Variants in NOS3 observed in about 807,000 individuals in gnomAD.
NOS3 encodes the protein nitric oxide synthase 3.
Under a neutral mutation model 144.9 loss-of-function variants are expected in NOS3, and 98 were observed. That is an observed-to-expected ratio of 0.68 (90% confidence interval 0.57 to 0.80). The LOEUF (loss-of-function observed/expected upper bound fraction) is 0.80. Ranked by LOEUF, NOS3 falls within the 30% of genes least tolerant of loss-of-function variation. The pLI is 0.00. For missense variants in NOS3, 1,465 were observed against 1,656.4 expected, an observed-to-expected ratio of 0.88 and a Z score of 2.01; for synonymous variants, 714 against 702.4, an observed-to-expected ratio of 1.02 and a Z score of -0.26.
In NOS3 at chr7:151,001,881, A is replaced by C; in HGVS notation, c.1563A>C (p.Thr521=). Residue 521 remains threonine (T), a synonymous_variant, in exon 13 of 27, where the codon ACA becomes ACC. Transcript: ENST00000297494. Reference sequence around the variant, plus strand: ...TGATGGCGAAGCGAGTGAAGGCGACAATCCTGTATGGCTCCGAGACCGGCC... The same window carrying C: ...TGATGGCGAAGCGAGTGAAGGCGACCATCCTGTATGGCTCCGAGACCGGCC... ...GTVMAKRVKA[T]ILYGSETGRA... is the part of the protein sequence containing the mutation. 1.2e-6 allele frequency: 2 copies of C among 1,613,714 alleles called. No individual in the cohort carries two copies. Among genetic ancestry groups the C allele is most frequent in the Admixed American group, 3.3e-5 (2 of 60,034 alleles).
In NOS3 at chr7:151,001,538, C is replaced by T; in HGVS notation, c.1429-6C>T. 6.2e-7 allele frequency: 1 copy of T among 1,613,926 alleles called. No individual in the cohort carries two copies. The highest frequency in any genetic ancestry group is 8.5e-7 in the Non-Finnish European group (1 of 1,179,888). ...CTCCCCTCCCAACCCCATCATCTCTCTGCAGCCAGACCCCTGGAAGGGGAG... is the reference window on the plus strand; with the variant it reads ...CTCCCCTCCCAACCCCATCATCTCTTTGCAGCCAGACCCCTGGAAGGGGAG... On this transcript the variant is annotated splice_polypyrimidine_tract_variant and splice_region_variant and intron_variant, in intron 11 of 26. Transcript: ENST00000297494.
At chr7:150,994,569 G>A (rs949709790) in intron 2 of NOS3, among the ~76,000 whole-genome samples, 1 of 152,154 alleles carries the variant, frequency 6.6e-6, no homozygotes, top group Non-Finnish European at 1.5e-5. Flanking sequence ...AGTCCTCCCG[G>A]GGGTAGAGGT....
intron 24 of NOS3, 177 bp from the exon 25 acceptor site, chr7:151,013,054 G>T: frequency 1.5e-6 from 1 of 667,682 alleles, no homozygotes; most frequent in Non-Finnish European, 2.5e-6. Flanking sequence ...GTAAATCAGG[G>T]CTGTGCAGGG....
At chr7:151,006,300 A>G in intron 14 of NOS3, 127 bp from the exon 15 acceptor site, 1 of 792,846 alleles carries the variant, frequency 1.3e-6, no homozygotes, top group East Asian at 2.5e-5. Context: ...CGCTTTTGAA[A>G]TTTTCAAAAC....
Position 151,003,454 on chromosome 7 carries a change from G to A in NOS3, c.1752+1150G>A, listed in dbSNP as rs754793255. ...AGTATCTTAAGCAAGTTGGAATCTC[G>A]TGAAACCCTTTTTGCTGCCTTAGTG... On this transcript the variant is annotated intron_variant, in intron 14 of 26. Coordinates refer to ENST00000297494, the MANE Select transcript of NOS3 (RefSeq NM_000603.5). This position sits in a 1 kb window ranked among gnomAD's most constrained non-coding sequence, Gnocchi z 4.1. 14 of 1,217,392 alleles carry A rather than the reference G, an allele frequency of 1.2e-5. No individual in the cohort carries two copies. Among genetic ancestry groups the A allele is most frequent in the Middle Eastern group, 2.3e-4 (1 of 4,370 alleles). The allele number at this position is 1,217,392 out of a possible 1,614,324, so 75.4% of individuals were successfully genotyped here.
At chr7:150,992,926 A>C (rs1020737794) in intron 1 of NOS3, among the ~76,000 whole-genome samples, 1 of 152,106 alleles carries the variant, frequency 6.6e-6, no homozygotes, top group African/African-American at 2.4e-5. Flanking sequence ...CCCCACCTGC[A>C]TTCTGGGAAC....
At chr7:151,012,255 A>C in intron 23 of NOS3, 96 bp from the exon 24 acceptor site, 1 of 771,498 alleles carries the variant, frequency 1.3e-6, no homozygotes, top group Non-Finnish European at 1.8e-6. Flanking sequence ...TTGAGATGGG[A>C]AGAACTTGGG....
chr7:150,996,354 C>G (rs777895118), intron 3 of NOS3, 50 bp from the exon 4 acceptor site: 1 of 428,186 alleles, frequency 2.3e-6, no homozygotes, highest in South Asian at 1.8e-5. Flanking sequence ...CAACTCCCAT[C>G]CCACCCCTGC....
At chr7:151,011,369 C>CT (rs3918204) in intron 23 of NOS3, among the ~76,000 whole-genome samples, 102,691 of 151,218 alleles carry the variant, frequency 0.68, 36,527 homozygotes, top group South Asian at 0.83. Flanking sequence ...TAAGACCACC[C>CT]TTGGCCTTGG....
chr7:151,010,382 G>T, intron 21 of NOS3, 95 bp downstream of exon 21: 1 of 1,277,680 alleles, frequency 7.8e-7, no homozygotes, highest in South Asian at 1.5e-5. Flanking sequence ...AGTCCCCCCT[G>T]GACTTTCTTC....
chr7:150,999,786 G>A (rs566256239), intron 9 of NOS3, among the ~76,000 whole-genome samples: 7 of 147,288 alleles, frequency 4.8e-5, no homozygotes, highest in Non-Finnish European at 7.5e-5. Flanking sequence ...GTAGGGGTGA[G>A]TGTGTGTGGG....
intron 14 of NOS3, 86 bp from the exon 15 acceptor site, chr7:151,006,341 A>G: frequency 2.2e-6 from 2 of 909,810 alleles, no homozygotes; most frequent in South Asian, 1.5e-5. Context: ...ATCAATAATA[A>G]TGAGGATCAG....
rs1301751286 is a variant in NOS3, at chr7:151,002,534, G to A, written c.1752+230G>A. ...GCTACGCTCCCAGCCCACCCATGTG[G>A]CTGCCTCCCTGCAAGCACATTTGCT... is the stretch of plus-strand genomic sequence containing the variant. On this transcript the variant is annotated intron_variant, in intron 14 of 26. Coordinates refer to ENST00000297494, the MANE Select transcript of NOS3 (RefSeq NM_000603.5). The surrounding 1 kb of genome is among the most constrained non-coding windows in gnomAD (Gnocchi z 4.1). Among the ~76,000 whole-genome samples, 1 of 151,654 alleles carries A rather than the reference G, an allele frequency of 6.6e-6. No homozygotes were observed. The highest frequency in any genetic ancestry group is 2.4e-5 in the African/African-American group (1 of 41,276).
rs556096751 is a variant in NOS3 at position 150,993,904 on chromosome 7, C to T, written c.101C>T (p.Pro34Leu). ...GLCGKQGPAT[P>L]APEPSRAPAS... ...TGCGGCAAGCAGGGCCCAGCCACCCCGGCCCCTGAGCCCAGCCGGGCCCCA... is the reference window on the plus strand; with the variant it reads ...TGCGGCAAGCAGGGCCCAGCCACCCTGGCCCCTGAGCCCAGCCGGGCCCCA... Residue 34 changes from proline to leucine, a missense_variant, in exon 2 of 27, where the codon CCG becomes CTG. By Grantham distance (98) the Pro-to-Leu change is moderately conservative. Coordinates refer to ENST00000297494, the MANE Select transcript of NOS3 (RefSeq NM_000603.5). The surrounding 1 kb of genome is among the most constrained non-coding windows in gnomAD (Gnocchi z 4.0). 1.9e-5 allele frequency: 31 copies of T among 1,592,866 alleles called. No individual in the cohort carries two copies. Among genetic ancestry groups the T allele is most frequent in the Admixed American group, 1.8e-5 (1 of 57,122 alleles).
At chr7:151,013,168 G>A in intron 24 of NOS3, 63 bp from the exon 25 acceptor site, 1 of 1,547,174 alleles carries the variant, frequency 6.5e-7, no homozygotes, top group East Asian at 2.3e-5. Flanking sequence ...GGTGGCCTGT[G>A]GGGAGGCCCC....
rs775074008 is a variant in NOS3, at chr7:151,001,356, G to A, written c.1359G>A (p.Ser453=). The change falls in exon 11 of 27, where the codon TCG becomes TCA. Residue 453 remains serine, a synonymous_variant. Transcript: ENST00000297494. ...ADWAWIVPPI[S]GSLTPVFHQE... is the part of the protein sequence containing the mutation. ...GGGCCTGGATCGTGCCCCCCATCTCGGGCAGCCTCACTCCTGTTTTCCATC... is the reference window on the plus strand; with the variant it reads ...GGGCCTGGATCGTGCCCCCCATCTCAGGCAGCCTCACTCCTGTTTTCCATC... The A allele has an allele frequency of 1.7e-5, 28 of 1,612,854 alleles. No homozygotes were observed. The East Asian group carries it at 2.9e-4, about 17-fold the overall frequency.
Position 151,003,383 on chromosome 7 carries a change from C to T in NOS3, c.1752+1079C>T. ...TCAAGCAATCCACCTGCCTCGGCCT[C>T]CCAAAGTGCTGCGATTATAGACGTG... On this transcript the variant is annotated intron_variant, in intron 14 of 26. Transcript: ENST00000297494. This position sits in a 1 kb window ranked among gnomAD's most constrained non-coding sequence, Gnocchi z 4.1. 1 of 1,221,000 alleles carries T rather than the reference C, an allele frequency of 8.2e-7. No individual in the cohort carries two copies. The highest frequency in any genetic ancestry group is 1.4e-5 in the South Asian group (1 of 72,316). The allele number at this position is 1,221,000 out of a possible 1,614,324, so 75.6% of individuals were successfully genotyped here.
In NOS3 at chr7:151,013,297, G is replaced by A. The variant is rs1487295383; in HGVS notation, c.3173G>A (p.Arg1058His). 1.9e-6 allele frequency: 3 copies of A among 1,614,080 alleles called. No homozygotes were observed. Among genetic ancestry groups the A allele is most frequent in the South Asian group, 2.2e-5 (2 of 91,086 alleles). Residue 1058 changes from arginine (R) to histidine (H), a missense_variant, in exon 25 of 27, where the codon CGC (arginine) becomes CAC (histidine). This residue lies in a region of NOS3 where 228 missense variants were observed against 227.7 expected (regional missense o/e 1.00). Transcript: ENST00000297494. ...CRCSQLDHLY[R>H]DEVQNAQQRG... Reference sequence around the variant, plus strand: ...TGCTCCCAACTTGACCATCTCTACCGCGACGAGGTGCAGAACGCCCAGCAG... The same window carrying A: ...TGCTCCCAACTTGACCATCTCTACCACGACGAGGTGCAGAACGCCCAGCAG...
rs764357643 is a variant in NOS3 at position 150,996,957 on chromosome 7, C to T, written c.582+32C>T. Reference sequence around the variant, plus strand: ...CTGGCCAGCGACTGAGAGACCCGGGCGCTACCAAAAGGGGAGCGGGGTGGC... The same window carrying T: ...CTGGCCAGCGACTGAGAGACCCGGGTGCTACCAAAAGGGGAGCGGGGTGGC... On this transcript the variant is annotated intron_variant, in intron 5 of 26. Coordinates refer to ENST00000297494, the MANE Select transcript of NOS3 (RefSeq NM_000603.5). 14 of 1,540,392 alleles carry T rather than the reference C, an allele frequency of 9.1e-6. No individual in the cohort carries two copies. In the East Asian group the frequency reaches 1.2e-4, roughly 13 times the overall value.
Sources: allele counts gnomAD v4.1 joint callset (sites outside exome capture counted in the v4.1 genomes callset), GRCh38; gene constraint gnomAD v4.1.1; regional missense constraint gnomAD v4.1.1; non-coding constraint Gnocchi (gnomAD v3.1); transcripts MANE v1.5; gene names NCBI Gene and HGNC (gene_info 2026-07-23, HGNC 2026-07-21).